Variants in PAPPA2 observed in about 807,000 individuals in gnomAD.
PAPPA2 encodes pappalysin-2.
In PAPPA2, 86 loss-of-function variants were observed where a neutral mutation model predicts 176.4. That is an observed-to-expected ratio of 0.49 (90% confidence interval 0.41 to 0.58). PAPPA2 has a LOEUF of 0.58. Ranked by LOEUF, PAPPA2 falls within the 20% of genes least tolerant of loss-of-function variation. The pLI, the probability that PAPPA2 is intolerant of heterozygous loss-of-function variation, is 0.00. For synonymous variants in PAPPA2, 809 were observed against 852.2 expected, an observed-to-expected ratio of 0.95 and a Z score of 0.88; for missense variants, 2,073 against 2,256.9, an observed-to-expected ratio of 0.92 and a Z score of 1.65.
intron 17 of PAPPA2, among the ~76,000 whole-genome samples, chr1:176,783,774 G>A (rs533425478): frequency 1.3e-5 from 2 of 152,206 alleles, no homozygotes; most frequent in African/African-American, 2.4e-5. Flanking sequence ...TGAGGTGGAT[G>A]ATCTCGCTCT....
In PAPPA2 at chr1:176,716,406, C is replaced by T. The variant is rs537885085; in HGVS notation, c.3798+4425C>T. On this transcript the variant is annotated intron_variant, in intron 12 of 22. Transcript: ENST00000367662. ...AATTACAGGTGCCCGCCATTATGCCCGGCTAATTTTTGTATTTTTAGTAGA... is the reference window on the plus strand; with the variant it reads ...AATTACAGGTGCCCGCCATTATGCCTGGCTAATTTTTGTATTTTTAGTAGA... Among the ~76,000 whole-genome samples the T allele has an allele frequency of 4.6e-4, 69 of 151,314 alleles. 1 individual carries two copies. The Middle Eastern group carries it at 0.01, about 23-fold the overall frequency.
At chr1:176,662,623 A>G (rs952957082) in intron 3 of PAPPA2, among the ~76,000 whole-genome samples, 4 of 150,322 alleles carry the variant, frequency 2.7e-5, no homozygotes, top group African/African-American at 7.4e-5. Flanking sequence ...TCTAAAATCT[A>G]TATGTGTTCT....
At chr1:176,473,007 T>C (rs938661944) in intron 1 of PAPPA2, among the ~76,000 whole-genome samples, 5 of 152,192 alleles carry the variant, frequency 3.3e-5, no homozygotes, top group Admixed American at 2.6e-4. Flanking sequence ...TTTGTTACAA[T>C]TGATGAGCCT....
chr1:176,530,089 G>A (rs1311872010), intron 1 of PAPPA2, among the ~76,000 whole-genome samples: 1 of 152,154 alleles, frequency 6.6e-6, no homozygotes, highest in Non-Finnish European at 1.5e-5. Context: ...GATAAATAAA[G>A]CTCACAATTC....
intron 14 of PAPPA2, among the ~76,000 whole-genome samples, chr1:176,750,982 T>C (rs1460723222): frequency 6.6e-6 from 1 of 152,046 alleles, no homozygotes; most frequent in Non-Finnish European, 1.5e-5. Context: ...AGGTCTAACG[T>C]TTAAATCTTT....
At chr1:176,497,145 G>C (rs1343006868) in intron 1 of PAPPA2, among the ~76,000 whole-genome samples, 1 of 152,120 alleles carries the variant, frequency 6.6e-6, no homozygotes, top group Admixed American at 6.5e-5. Context: ...ATGTGTCTAA[G>C]TCCCAGTTAG....
intron 21 of PAPPA2, among the ~76,000 whole-genome samples, chr1:176,831,018 A>G (rs1440119946): frequency 6.6e-6 from 1 of 152,228 alleles, no homozygotes; most frequent in Non-Finnish European, 1.5e-5. Context: ...GATCAGCTTC[A>G]CTGGAGAAAA....
intron 12 of PAPPA2, 64 bp downstream of exon 12, chr1:176,712,045 G>A: frequency 3.3e-6 from 5 of 1,531,384 alleles, no homozygotes; most frequent in South Asian, 2.4e-5. Flanking sequence ...GTGTGTGTGT[G>A]TGTGTGTGTG....
intron 14 of PAPPA2, among the ~76,000 whole-genome samples, chr1:176,762,862 C>A (rs1455268015): frequency 6.6e-6 from 1 of 152,176 alleles, no homozygotes; most frequent in Non-Finnish European, 1.5e-5. Flanking sequence ...ATGGATACTT[C>A]ATCATCTCAG....
chr1:176,633,636 A>G (rs1316580317), intron 3 of PAPPA2, among the ~76,000 whole-genome samples: 1 of 152,232 alleles, frequency 6.6e-6, no homozygotes, highest in African/African-American at 2.4e-5. Flanking sequence ...CCAAAGTGAT[A>G]GTCTCCATCA....
chr1:176,753,686 T>A (rs1663287451), intron 14 of PAPPA2, among the ~76,000 whole-genome samples: 1 of 151,960 alleles, frequency 6.6e-6, no homozygotes, highest in Non-Finnish European at 1.5e-5. Flanking sequence ...ATGTTCTCTC[T>A]TGCTGCTGGG....
intron 1 of PAPPA2, among the ~76,000 whole-genome samples, chr1:176,494,032 T>C (rs1647458452): frequency 6.6e-6 from 1 of 152,182 alleles, no homozygotes; most frequent in African/African-American, 2.4e-5. Context: ...TTGCACAAAA[T>C]TAAATTAAAT....
intron 1 of PAPPA2, among the ~76,000 whole-genome samples, chr1:176,487,042 C>T (rs1652676573): frequency 6.6e-6 from 1 of 152,100 alleles, no homozygotes; most frequent in Non-Finnish European, 1.5e-5. Context: ...TCCACAGATC[C>T]TCAAAAAAGG....
chr1:176,532,608 C>G lies in PAPPA2; in HGVS notation c.-916-22799C>G, dbSNP rs1649874572. On this transcript the variant is annotated intron_variant, in intron 1 of 22. Coordinates refer to ENST00000367662, the MANE Select transcript of PAPPA2 (RefSeq NM_020318.3). ...GTGTATACCCTTCCTGGGTACTCAC[C>G]TTTAATCACAACAAGGGCCAAAAGG... 4.6e-5 allele frequency among the ~76,000 whole-genome samples: 7 copies of G among 152,196 alleles called. No individual in the cohort carries two copies. The South Asian group carries it at 1.4e-3, about 32-fold the overall frequency.
chr1:176,806,765 A>T (rs1322296512), intron 21 of PAPPA2, among the ~76,000 whole-genome samples: 1 of 152,190 alleles, frequency 6.6e-6, no homozygotes, highest in East Asian at 1.9e-4. Context: ...TCAGTAAAGC[A>T]TGGTTGTGCT....
At chr1:176,566,515 TC>T (rs1170985209) in intron 2 of PAPPA2, among the ~76,000 whole-genome samples, 3 of 152,068 alleles carry the variant, frequency 2.0e-5, no homozygotes, top group Non-Finnish European at 4.4e-5. Context: ...GCTGCTCACC[TC>T]CCCATCCTCT....
intron 1 of PAPPA2, among the ~76,000 whole-genome samples, chr1:176,470,985 A>G (rs1651846362): frequency 6.6e-6 from 1 of 152,142 alleles, no homozygotes; most frequent in Non-Finnish European, 1.5e-5. Flanking sequence ...TGAAGGAGCC[A>G]TTGATTCTGG....
At chr1:176,568,467 G>A (rs1475539340) in intron 2 of PAPPA2, among the ~76,000 whole-genome samples, 1 of 152,196 alleles carries the variant, frequency 6.6e-6, no homozygotes, top group Non-Finnish European at 1.5e-5. Context: ...CACAGCTGGT[G>A]CAGGCAGAGC....
intron 17 of PAPPA2, among the ~76,000 whole-genome samples, chr1:176,781,432 T>C (rs1332426252): frequency 7.0e-6 from 1 of 142,644 alleles, no homozygotes; most frequent in Non-Finnish European, 1.5e-5. Context: ...ATATGTCTTG[T>C]TGGATAGTCC....
Sources: gnomAD v4.1 joint callset for allele counts (sites outside exome capture counted in the v4.1 genomes callset) on GRCh38, gnomAD v4.1.1 for gene constraint, MANE v1.5 for transcripts, NCBI Gene and HGNC (gene_info 2026-07-23, HGNC 2026-07-21) for gene names.